DMD: variants seen among roughly 807,000 people sequenced by gnomAD.
The protein encoded by DMD is dystrophin, also known as mutant dystrophin.
DMD carries 63 observed loss-of-function variants against 330.1 expected under a neutral mutation model. That is an observed-to-expected ratio of 0.19 (90% CI 0.16 to 0.24). DMD has a LOEUF of 0.24. DMD is among the 10% of genes least tolerant of loss of function. The pLI is 1.00. For synonymous variants in DMD, 1,223 were observed against 959.8 expected, an observed-to-expected ratio of 1.27 and a Z score of -5.07; for missense variants, 3,344 against 2,684.1, an observed-to-expected ratio of 1.25 and a Z score of -5.43.
chrX:31,763,549 C>A (rs949651793), intron 51 of DMD, among the ~76,000 whole-genome samples: 1 of 111,501 alleles, frequency 9.0e-6, no homozygotes, highest in Non-Finnish European at 1.9e-5. Context: ...GGCAACAGTG[C>A]GAGACTCCAT....
chrX:31,625,467 C>T (rs571371819), intron 55 of DMD, among the ~76,000 whole-genome samples: 6 of 111,666 alleles, frequency 5.4e-5, no homozygotes, highest in Middle Eastern at 4.6e-3. Flanking sequence ...GTAGCCTGAT[C>T]GACACTGGAC....
chrX:31,498,808 T>A (rs1418412663), intron 56 of DMD, among the ~76,000 whole-genome samples: 1 of 112,318 alleles, frequency 8.9e-6, no homozygotes, highest in African/African-American at 3.2e-5. Flanking sequence ...CTAAGGGTAT[T>A]ATTTCCCAAG....
chrX:31,945,553 C>T (rs770099685), intron 45 of DMD, among the ~76,000 whole-genome samples: 1 of 112,028 alleles, frequency 8.9e-6, no homozygotes, highest in African/African-American at 3.2e-5. Flanking sequence ...AGGCACTATA[C>T]TATTTTTGCT....
chrX:32,438,986 C>A (rs1355045217), intron 28 of DMD, among the ~76,000 whole-genome samples: 1 of 111,132 alleles, frequency 9.0e-6, no homozygotes, highest in Non-Finnish European at 1.9e-5. Flanking sequence ...TGAGCTTAAA[C>A]CGTTGTCTGA....
intron 18 of DMD, among the ~76,000 whole-genome samples, chrX:32,506,928 C>T (rs1319735118): frequency 9.0e-6 from 1 of 111,316 alleles, no homozygotes; most frequent in Non-Finnish European, 1.9e-5. Flanking sequence ...AAGTAAGATC[C>T]TAGATGAAGC....
intron 60 of DMD, among the ~76,000 whole-genome samples, chrX:31,432,596 C>A (rs2064167371): frequency 9.0e-6 from 1 of 111,451 alleles, no homozygotes; most frequent in Non-Finnish European, 1.9e-5. Context: ...AAAATGTCTT[C>A]GAATATTGTA....
chrX:32,550,625 C>A (rs1328273193), intron 16 of DMD, among the ~76,000 whole-genome samples: 1 of 109,754 alleles, frequency 9.1e-6, no homozygotes, highest in Admixed American at 9.8e-5. Flanking sequence ...CAGGAAATAA[C>A]CAAAATCGGA....
intron 55 of DMD, among the ~76,000 whole-genome samples, chrX:31,623,408 C>T (rs752336799): frequency 1.0e-3 from 113 of 110,936 alleles, no homozygotes; most frequent in African/African-American, 3.5e-3. Flanking sequence ...GGACTACAGG[C>T]GTACTCCACC....
chrX:33,272,201 A>G (rs2053169487), intron 1 of DMD, among the ~76,000 whole-genome samples: 1 of 112,220 alleles, frequency 8.9e-6, no homozygotes, highest in African/African-American at 3.2e-5. Context: ...TCCCTTTAAG[A>G]TCTTTTCCCC....
At chrX:32,496,110 T>C (rs976713909) in intron 19 of DMD, among the ~76,000 whole-genome samples, 3 of 112,092 alleles carry the variant, frequency 2.7e-5, no homozygotes, top group Admixed American at 1.9e-4. Context: ...TAATGTTAAA[T>C]GTGCACCACC....
At chrX:31,458,533 A>C (rs1228085902) in intron 59 of DMD, among the ~76,000 whole-genome samples, 2 of 107,177 alleles carry the variant, frequency 1.9e-5, no homozygotes, top group Admixed American at 2.0e-4. Context: ...AAAAAAAAAA[A>C]AATCACTCAT....
intron 1 of DMD, among the ~76,000 whole-genome samples, chrX:33,321,501 A>G (rs950093103): frequency 8.9e-6 from 1 of 111,818 alleles, no homozygotes; most frequent in Non-Finnish European, 1.9e-5. Context: ...TCATGCTGTA[A>G]ACAGATGTGC....
chrX:31,343,708 G>A (rs1461901287), intron 61 of DMD, among the ~76,000 whole-genome samples: 3 of 108,821 alleles, frequency 2.8e-5, no homozygotes, highest in Non-Finnish European at 5.7e-5. Context: ...TGTTTACGCT[G>A]GCGGGTGCAA....
intron 43 of DMD, among the ~76,000 whole-genome samples, chrX:32,247,052 G>A (rs1330063670): frequency 8.9e-6 from 1 of 111,745 alleles, no homozygotes; most frequent in Admixed American, 9.5e-5. Context: ...TTTAAATTCA[G>A]TTGTTGAACC....
intron 47 of DMD, among the ~76,000 whole-genome samples, chrX:31,918,741 G>T (rs1230730655): frequency 3.6e-5 from 4 of 109,810 alleles, no homozygotes; most frequent in Admixed American, 9.7e-5. Context: ...GGGTTCAAAT[G>T]ATTCTCCTGC....
intron 2 of DMD, among the ~76,000 whole-genome samples, chrX:32,935,742 AC>A (rs1329531395): frequency 4.5e-5 from 5 of 111,351 alleles, no homozygotes; most frequent in Non-Finnish European, 3.8e-5. Flanking sequence ...GGAAAAAAAA[AC>A]AATTCTATCT....
chrX:33,324,815 C>T (rs150676803), intron 1 of DMD, among the ~76,000 whole-genome samples: 48 of 111,459 alleles, frequency 4.3e-4, no homozygotes, highest in African/African-American at 1.4e-3. Context: ...ATGGAAAAGG[C>T]AAAAAAGCAA....
chrX:31,573,412 T>C (rs2147965172), intron 55 of DMD, among the ~76,000 whole-genome samples: 1 of 111,798 alleles, frequency 8.9e-6, no homozygotes, highest in East Asian at 2.8e-4. Flanking sequence ...ATGGACATAC[T>C]AGAAATTGTA....
intron 52 of DMD, among the ~76,000 whole-genome samples, chrX:31,688,126 T>A (rs575855601): frequency 9.1e-6 from 1 of 109,869 alleles, no homozygotes. Flanking sequence ...CAATGAAGCA[T>A]ACCTACAAGA....
Sources: allele counts gnomAD v4.1 joint callset (sites outside exome capture counted in the v4.1 genomes callset), GRCh38; gene constraint gnomAD v4.1.1; transcripts MANE v1.5; gene names NCBI Gene and HGNC (gene_info 2026-07-23, HGNC 2026-07-21).